Variants in PTPN11 observed in about 807,000 individuals in gnomAD.
PTPN11 encodes protein tyrosine phosphatase non-receptor type 11.
In PTPN11, 6 loss-of-function variants were observed where a neutral mutation model predicts 78.8. That is an observed-to-expected ratio of 0.08 (90% CI 0.04 to 0.15). The LOEUF (loss-of-function observed/expected upper bound fraction) is 0.15, where lower values mean the gene tolerates loss of function less well. Ranked by LOEUF, PTPN11 falls within the 10% of genes least tolerant of loss-of-function variation. The pLI, the probability that PTPN11 is intolerant of heterozygous loss-of-function variation, is 1.00. For missense variants in PTPN11, 386 were observed against 744.8 expected (o/e 0.52, Z 5.61); for synonymous variants, 221 against 263.5 (o/e 0.84, Z 1.56).
At chr12:112,454,436 A>G in intron 4 of PTPN11, 128 bp from the exon 5 acceptor site, 2 of 785,358 alleles carry the variant, frequency 2.5e-6, no homozygotes, top group East Asian at 2.6e-5. Context: ...CTGTCTTTTG[A>G]TGGACATTTA....
intron 13 of PTPN11, among the ~76,000 whole-genome samples, chr12:112,499,493 C>T (rs1287367291): frequency 1.3e-5 from 2 of 152,034 alleles, no homozygotes; most frequent in Non-Finnish European, 2.9e-5. Flanking sequence ...GTCTGCACCA[C>T]CACGCCTGGC....
intron 2 of PTPN11, among the ~76,000 whole-genome samples, chr12:112,449,262 G>A (rs1386282150): frequency 6.6e-6 from 1 of 151,482 alleles, no homozygotes. Flanking sequence ...CAGCACTTTG[G>A]GAGGCCAAGG....
In PTPN11 at chr12:112,504,855, G is replaced by A; in HGVS notation, c.*32+59G>A. On this transcript the variant is annotated intron_variant, in intron 15 of 15. Transcript: ENST00000351677. The surrounding 1 kb of genome is among the most constrained non-coding windows in gnomAD (Gnocchi z 4.7). ...TTTATATAATTGGCAGTATTTTTAA[G>A]CAGGCAAGCAATTTGGGAATGTTTT... is the stretch of plus-strand genomic sequence containing the variant. 1.8e-6 allele frequency: 2 copies of A among 1,123,408 alleles called. No individual in the cohort carries two copies. The highest frequency in any genetic ancestry group is 2.6e-6 in the Non-Finnish European group (2 of 755,406). 69.6% of individuals were successfully genotyped at this position (1,123,408 alleles called of 1,614,324 possible). A position where few individuals can be genotyped will look rare whatever the true frequency, so the allele number is the denominator to read the frequency against.
intron 11 of PTPN11, among the ~76,000 whole-genome samples, chr12:112,487,478 A>G (rs1218547431): frequency 5.9e-5 from 9 of 151,800 alleles, no homozygotes; most frequent in Non-Finnish European, 4.4e-5. Flanking sequence ...CCCTAACACT[A>G]TATTTGTTTG....
At chr12:112,435,171 A>G (rs140177034) in intron 1 of PTPN11, among the ~76,000 whole-genome samples, 9 of 151,714 alleles carry the variant, frequency 5.9e-5, no homozygotes, top group Non-Finnish European at 1.2e-4. Flanking sequence ...GGTGTGTGCC[A>G]TCAATGCCCC....
intron 1 of PTPN11, among the ~76,000 whole-genome samples, chr12:112,439,784 T>TAA (rs557906559): frequency 4.6e-5 from 6 of 131,602 alleles, no homozygotes; most frequent in East Asian, 2.4e-4. Context: ...TGTCCTTTTT[T>TAA]AAAAAAAAAA....
chr12:112,472,340 A>G (rs1020480485), intron 6 of PTPN11, among the ~76,000 whole-genome samples: 4 of 152,074 alleles, frequency 2.6e-5, no homozygotes, highest in African/African-American at 4.8e-5. Flanking sequence ...ATCATATGCT[A>G]TTTTGGAGGT....
intron 13 of PTPN11, among the ~76,000 whole-genome samples, chr12:112,492,589 G>C (rs535265181): frequency 3.3e-5 from 5 of 151,344 alleles, no homozygotes; most frequent in Middle Eastern, 6.8e-3. Flanking sequence ...GCAATCTCGG[G>C]TCACTGCAAG....
chr12:112,477,333 A>G (rs1186342780), intron 7 of PTPN11, among the ~76,000 whole-genome samples: 2 of 152,182 alleles, frequency 1.3e-5, no homozygotes, highest in Non-Finnish European at 2.9e-5. Context: ...GTTTGAAATA[A>G]TTTTGGAACT....
intron 13 of PTPN11, among the ~76,000 whole-genome samples, chr12:112,501,908 GTGACTC>G (rs1404443146): frequency 6.6e-6 from 1 of 152,160 alleles, no homozygotes; most frequent in Non-Finnish European, 1.5e-5. Flanking sequence ...TTGTTAATGC[GTGACTC>G]TGTGCTTTCA....
chr12:112,499,534 G>A (rs2038849404), intron 13 of PTPN11, among the ~76,000 whole-genome samples: 1 of 151,862 alleles, frequency 6.6e-6, no homozygotes, highest in African/African-American at 2.4e-5. Context: ...GAGATGGGGT[G>A]TCACCATGTT....
At chr12:112,454,366 C>T (rs1180997733) in intron 4 of PTPN11, among the ~76,000 whole-genome samples, 198 bp from the exon 5 acceptor site, 9 of 152,168 alleles carry the variant, frequency 5.9e-5, no homozygotes, top group African/African-American at 1.9e-4. Flanking sequence ...ATGATCTGCC[C>T]GCCTTGGCCT....
chr12:112,440,013 A>G (rs2037858815), intron 1 of PTPN11, among the ~76,000 whole-genome samples: 1 of 152,152 alleles, frequency 6.6e-6, no homozygotes, highest in Non-Finnish European at 1.5e-5. Flanking sequence ...TAGGTAGACA[A>G]ATTGAGGCCT....
intron 9 of PTPN11, among the ~76,000 whole-genome samples, chr12:112,481,453 A>G (rs1345461364): frequency 1.3e-5 from 2 of 151,692 alleles, no homozygotes; most frequent in Non-Finnish European, 2.9e-5. Flanking sequence ...TTCTCCTCCC[A>G]CTTCTGCCTG....
At chr12:112,494,378 G>A (rs566560536) in intron 13 of PTPN11, among the ~76,000 whole-genome samples, 10 of 152,134 alleles carry the variant, frequency 6.6e-5, no homozygotes, top group Admixed American at 2.0e-4. Context: ...TCCCTTTTCT[G>A]TTTTTAGTTG....
rs1324453037 is a variant in PTPN11, at chr12:112,509,041, G to A, written c.*3249G>A. 1 of 152,298 alleles carries A rather than the reference G, an allele frequency of 6.6e-6. No individual in the cohort carries two copies. The highest frequency in any genetic ancestry group is 2.1e-4 in the South Asian group (1 of 4,820). The allele number at this position is 152,298 out of a possible 1,614,324, so 9.4% of individuals were successfully genotyped here. On this transcript the variant is annotated 3_prime_UTR_variant, in exon 16 of 16. Coordinates refer to ENST00000351677, the MANE Select transcript of PTPN11 (RefSeq NM_002834.5). ...TTTGTTGTAGCTTAGTATCCATAAG[G>A]GAAACTTAGACTATAGACATAACTA...
intron 6 of PTPN11, among the ~76,000 whole-genome samples, chr12:112,470,840 T>C (rs1416121474): frequency 1.3e-5 from 2 of 152,234 alleles, no homozygotes; most frequent in African/African-American, 4.8e-5. Context: ...TTTGAACTTC[T>C]TTTTGAACCT....
chr12:112,488,379 G>A, intron 11 of PTPN11, 64 bp from the exon 12 acceptor site: 12 of 1,329,814 alleles, frequency 9.0e-6, no homozygotes, highest in Non-Finnish European at 1.2e-5. Context: ...TAATGGCTTG[G>A]TTTTGAGTCT....
intron 1 of PTPN11, among the ~76,000 whole-genome samples, chr12:112,445,426 C>T (rs2037978303): frequency 6.6e-6 from 1 of 152,090 alleles, no homozygotes; most frequent in Non-Finnish European, 1.5e-5. Flanking sequence ...GCCACTGTTC[C>T]CATCCAGAAG....
Sources: gnomAD v4.1 joint callset for allele counts (sites outside exome capture counted in the v4.1 genomes callset) on GRCh38, gnomAD v4.1.1 for gene constraint, Gnocchi (gnomAD v3.1) non-coding constraint, MANE v1.5 for transcripts, NCBI Gene and HGNC (gene_info 2026-07-23, HGNC 2026-07-21) for gene names.